The following MKLN1 variants were observed in gnomAD, a reference collection of about 807,000 sequenced individuals.
The protein encoded by MKLN1 is muskelin 1, also known as muskelin.
In MKLN1, 18 loss-of-function variants were observed where a neutral mutation model predicts 99.0. The observed-to-expected ratio is 0.18, with a 90% confidence interval of 0.13 to 0.27. The LOEUF is 0.27. Among genes scored for constraint, MKLN1 ranks in the 10% least tolerant of loss-of-function variants. MKLN1 has a pLI of 1.00. For missense variants in MKLN1, 621 were observed against 875.9 expected, an observed-to-expected ratio of 0.71 and a Z score of 3.67; for synonymous variants, 288 against 293.2, an observed-to-expected ratio of 0.98 and a Z score of 0.18.
intron 3 of MKLN1, among the ~76,000 whole-genome samples, chr7:131,287,243 C>T (rs932443988): frequency 5.9e-5 from 9 of 152,246 alleles, no homozygotes; most frequent in African/African-American, 2.2e-4. Flanking sequence ...GGCTCCTGTC[C>T]TGGTTTTCTG....
intron 6 of MKLN1, among the ~76,000 whole-genome samples, chr7:131,400,741 T>G (rs1019925704): frequency 6.6e-6 from 1 of 151,988 alleles, no homozygotes; most frequent in African/African-American, 2.4e-5. Flanking sequence ...TAAAGGTCTC[T>G]TTAGTGACGT....
At position 131,487,584 on chromosome 7, in the gene MKLN1, T is replaced by C; in HGVS notation, c.2087-23T>C. 2 of 1,608,016 alleles carry C rather than the reference T, an allele frequency of 1.2e-6. No individual in the cohort carries two copies. The highest frequency in any genetic ancestry group is 2.2e-5 in the East Asian group (1 of 44,774). ...TTACATGTTTTAAACACAATGGATG[T>C]TTCTTTGTATCTTCTTCACCAGGCT... On this transcript the variant is annotated intron_variant, in intron 17 of 17. Coordinates refer to ENST00000352689, the MANE Select transcript of MKLN1 (RefSeq NM_013255.5). This position sits in a 1 kb window ranked among gnomAD's most constrained non-coding sequence, Gnocchi z 4.7.
At chr7:131,130,147 A>G (rs978448641) in intron 1 of MKLN1, among the ~76,000 whole-genome samples, 2 of 152,234 alleles carry the variant, frequency 1.3e-5, no homozygotes, top group Non-Finnish European at 2.9e-5. Flanking sequence ...AATTTCAATG[A>G]GCTTCAAATC....
At chr7:131,366,439 A>T (rs1800182899) in intron 1 of MKLN1, among the ~76,000 whole-genome samples, 1 of 152,184 alleles carries the variant, frequency 6.6e-6, no homozygotes, top group Non-Finnish European at 1.5e-5. Flanking sequence ...AAGCATCCTG[A>T]CCAGCCCTTA....
chr7:131,266,089 G>A (rs940826524), intron 3 of MKLN1, among the ~76,000 whole-genome samples: 44 of 148,912 alleles, frequency 3.0e-4, no homozygotes, highest in African/African-American at 1.0e-3. Flanking sequence ...CACGAGAATC[G>A]CTTGAACCTG....
intron 16 of MKLN1, among the ~76,000 whole-genome samples, chr7:131,471,452 T>G (rs1796818713): frequency 6.6e-6 from 1 of 152,234 alleles, no homozygotes. Context: ...CTAATTTCAT[T>G]CATCACTAGT....
chr7:131,181,839 T>C (rs1304026668), intron 2 of MKLN1, among the ~76,000 whole-genome samples: 1 of 152,102 alleles, frequency 6.6e-6, no homozygotes, highest in Non-Finnish European at 1.5e-5. Flanking sequence ...TTTGTATTTT[T>C]AGTAGAGACG....
intron 1 of MKLN1, among the ~76,000 whole-genome samples, chr7:131,124,399 T>C (rs1385738182): frequency 2.0e-5 from 3 of 152,168 alleles, no homozygotes; most frequent in African/African-American, 7.2e-5. Context: ...CACAGGAGCA[T>C]ACAATAAGGC....
At chr7:131,168,284 A>G (rs1584804444) in intron 2 of MKLN1, among the ~76,000 whole-genome samples, 1 of 151,962 alleles carries the variant, frequency 6.6e-6, no homozygotes, top group Admixed American at 6.6e-5. Context: ...TTAGCCTCCC[A>G]TGCCTCATTC....
chr7:131,419,366 T>G (rs1053732844), intron 8 of MKLN1, among the ~76,000 whole-genome samples: 2 of 149,806 alleles, frequency 1.3e-5, no homozygotes, highest in Non-Finnish European at 3.0e-5. Flanking sequence ...CTCTCCTGCC[T>G]CAGCCTCCCG....
At chr7:131,315,340 A>G (rs1291231507) in intron 3 of MKLN1, among the ~76,000 whole-genome samples, 1 of 152,066 alleles carries the variant, frequency 6.6e-6, no homozygotes, top group Non-Finnish European at 1.5e-5. Flanking sequence ...CCCCTAGCCA[A>G]GGGAAGCCGT....
At chr7:131,342,013 T>C (rs1326845794) in intron 1 of MKLN1, among the ~76,000 whole-genome samples, 3 of 152,256 alleles carry the variant, frequency 2.0e-5, no homozygotes, top group African/African-American at 7.2e-5. Flanking sequence ...TTGGCTATTA[T>C]GAATAATGCT....
intron 3 of MKLN1, among the ~76,000 whole-genome samples, chr7:131,233,324 G>A (rs990435216): frequency 5.9e-5 from 9 of 151,570 alleles, no homozygotes; most frequent in African/African-American, 1.7e-4. Context: ...AGTGATCTAC[G>A]ATGCCACTGC....
At chr7:131,479,257 C>T (rs533110465) in intron 17 of MKLN1, among the ~76,000 whole-genome samples, 7 of 152,246 alleles carry the variant, frequency 4.6e-5, no homozygotes, top group Admixed American at 3.3e-4. Context: ...GACTGTAGGC[C>T]GGGCACAGTG....
At chr7:131,268,660 C>T (rs1797843311) in intron 3 of MKLN1, among the ~76,000 whole-genome samples, 1 of 152,100 alleles carries the variant, frequency 6.6e-6, no homozygotes, top group African/African-American at 2.4e-5. Context: ...GAACTGGCAC[C>T]CATCACTTTC....
intron 2 of MKLN1, among the ~76,000 whole-genome samples, chr7:131,178,428 A>G (rs1028474406): frequency 1.3e-5 from 2 of 151,438 alleles, no homozygotes; most frequent in Admixed American, 6.6e-5. Context: ...TGAGCCACCT[A>G]CAACTTATTG....
intron 3 of MKLN1, among the ~76,000 whole-genome samples, chr7:131,204,369 A>G (rs2029223): frequency 0.19 from 29,155 of 152,190 alleles, 2,932 homozygotes; most frequent in South Asian, 0.3. Context: ...TCTCAAGATC[A>G]GGGATCAGGA....
chr7:131,229,426 G>A (rs1345386409), intron 3 of MKLN1, among the ~76,000 whole-genome samples: 1 of 152,094 alleles, frequency 6.6e-6, no homozygotes, highest in African/African-American at 2.4e-5. Flanking sequence ...TGAAAGAAAT[G>A]TCTGAGTTAA....
intron 1 of MKLN1, among the ~76,000 whole-genome samples, chr7:131,374,231 T>C (rs951703727): frequency 1.3e-5 from 2 of 152,122 alleles, no homozygotes; most frequent in African/African-American, 4.8e-5. Flanking sequence ...TACTCCTGTT[T>C]TCTTTTATTG....
Sources: gnomAD v4.1 joint callset for allele counts (sites outside exome capture counted in the v4.1 genomes callset) on GRCh38, gnomAD v4.1.1 for gene constraint, Gnocchi (gnomAD v3.1) non-coding constraint, MANE v1.5 for transcripts, NCBI Gene and HGNC (gene_info 2026-07-23, HGNC 2026-07-21) for gene names.